TMEFF2: variants seen among roughly 807,000 people sequenced by gnomAD.
The protein encoded by TMEFF2 is transmembrane protein with EGF like and two follistatin like domains 2, also known as tomoregulin-2.
TMEFF2 carries 28 observed loss-of-function variants against 53.8 expected under a neutral mutation model. The observed-to-expected ratio is 0.52, with a 90% CI of 0.39 to 0.71. The LOEUF is 0.71. Ranked by LOEUF, TMEFF2 falls within the 30% of genes least tolerant of loss-of-function variation. The probability of loss-of-function intolerance (pLI) is 0.00; values close to 1 mark genes in which losing one functional copy is unlikely to be tolerated. For synonymous variants in TMEFF2, 162 were observed against 166.3 expected, an observed-to-expected ratio of 0.97 and a Z score of 0.20; for missense variants, 353 against 455.2, an observed-to-expected ratio of 0.78 and a Z score of 2.04.
At chr2:192,183,085 C>G (rs759543537) in intron 3 of TMEFF2, among the ~76,000 whole-genome samples, 1 of 151,972 alleles carries the variant, frequency 6.6e-6, no homozygotes, top group Non-Finnish European at 1.5e-5. Context: ...ACCAGCCCAG[C>G]TTGCCTCCTG....
intron 4 of TMEFF2, among the ~76,000 whole-genome samples, chr2:192,059,818 G>T (rs748767056): frequency 5.9e-5 from 9 of 152,142 alleles, no homozygotes; most frequent in Non-Finnish European, 1.3e-4. Context: ...AAAAGAAGCA[G>T]TAGGAATACC....
At chr2:192,163,599 G>A (rs1192768870) in intron 4 of TMEFF2, among the ~76,000 whole-genome samples, 1 of 152,056 alleles carries the variant, frequency 6.6e-6, no homozygotes, top group African/African-American at 2.4e-5. Context: ...AATATACTCA[G>A]GCTTTATTGA....
At chr2:191,978,957 C>T (rs1318217383) in intron 7 of TMEFF2, among the ~76,000 whole-genome samples, 1 of 152,142 alleles carries the variant, frequency 6.6e-6, no homozygotes, top group African/African-American at 2.4e-5. Flanking sequence ...CAATTAACTC[C>T]TCCAGGAGCT....
At position 192,006,257 on chromosome 2, in the gene TMEFF2, T is replaced by C. The variant is rs145146411; in HGVS notation, c.537-7049A>G. Among the ~76,000 whole-genome samples the C allele has an allele frequency of 3.2e-3, 493 of 152,184 alleles. 8 individuals are homozygous for C. The highest frequency in any genetic ancestry group is 0.025 in the South Asian group (123 of 4,824). On this transcript the variant is annotated intron_variant, in intron 5 of 9. Transcript: ENST00000272771. ...TTTATAAGGATGCAAAACATAGAAG[T>C]TGGCCCATTACATGGGGAAGGTCTT... is the stretch of plus-strand genomic sequence containing the variant.
chr2:192,065,566 G>C (rs1029533560), intron 4 of TMEFF2, among the ~76,000 whole-genome samples: 1 of 151,622 alleles, frequency 6.6e-6, no homozygotes, highest in Non-Finnish European at 1.5e-5. Context: ...GCACATTTCT[G>C]CTATTTTAGT....
intron 6 of TMEFF2, 71 bp downstream of exon 6, chr2:191,998,989 T>G (rs147802393): frequency 1.6e-4 from 235 of 1,486,300 alleles, no homozygotes; most frequent in Non-Finnish European, 1.9e-4. Flanking sequence ...TAATAAGGAG[T>G]TTTCTTCACT....
At chr2:192,163,977 T>G (rs1690693090) in intron 4 of TMEFF2, among the ~76,000 whole-genome samples, 1 of 152,162 alleles carries the variant, frequency 6.6e-6, no homozygotes, top group Admixed American at 6.5e-5. Flanking sequence ...CCACCTTTGT[T>G]GCCACCATAT....
At position 191,956,297 on chromosome 2, in the gene TMEFF2, C is replaced by T; in HGVS notation, c.827G>A (p.Gly276Glu). The change falls in exon 8 of 10, where the codon GGG (glycine) becomes GAG (glutamate). Residue 276 changes from glycine to glutamate, a missense_variant. Coordinates refer to ENST00000272771, the MANE Select transcript of TMEFF2 (RefSeq NM_016192.4). Reference protein sequence around the residue: ...PEHYNGFCMHGKCEHSINMQE... With the variant: ...PEHYNGFCMHEKCEHSINMQE... ...CATATTGATAGAATGCTCACACTTC[C>T]CATGCATGCAGAAGCCATTGTAATG... 6.2e-7 allele frequency: 1 copy of T among 1,613,866 alleles called. No individual in the cohort carries two copies. The highest frequency in any genetic ancestry group is 8.5e-7 in the Non-Finnish European group (1 of 1,179,904).
chr2:191,949,985 G>A lies in TMEFF2; in HGVS notation c.*326C>T, dbSNP rs1288872530. 2 of 1,103,704 alleles carry A rather than the reference G, an allele frequency of 1.8e-6. No homozygotes were observed. The highest frequency in any genetic ancestry group is 2.6e-5 in the South Asian group (1 of 38,554). 68.4% of individuals were successfully genotyped at this position (1,103,704 alleles called of 1,614,324 possible). A position where few individuals can be genotyped will look rare whatever the true frequency, so the allele number is the denominator to read the frequency against. ...TTGTACTAGTCTGATTATATTTACAGTTATGAGATACCGCAAATTTAAGAA... is the reference window on the plus strand; with the variant it reads ...TTGTACTAGTCTGATTATATTTACAATTATGAGATACCGCAAATTTAAGAA... On this transcript the variant is annotated 3_prime_UTR_variant, in exon 10 of 10. Transcript: ENST00000272771.
At chr2:191,984,617 A>C (rs529176288) in intron 7 of TMEFF2, among the ~76,000 whole-genome samples, 1 of 152,156 alleles carries the variant, frequency 6.6e-6, no homozygotes, top group Non-Finnish European at 1.5e-5. Context: ...TTTCTTTTCT[A>C]AGGCTAAATA....
intron 5 of TMEFF2, among the ~76,000 whole-genome samples, chr2:192,008,808 G>T (rs1686561764): frequency 6.6e-6 from 1 of 152,138 alleles, no homozygotes; most frequent in South Asian, 2.1e-4. Context: ...TAGTGATCGG[G>T]GTGGCTTCAT....
intron 5 of TMEFF2, among the ~76,000 whole-genome samples, chr2:192,050,644 T>C (rs1047632170): frequency 7.2e-5 from 11 of 152,142 alleles, no homozygotes; most frequent in African/African-American, 2.2e-4. Context: ...AGAGAGAAGT[T>C]TGGATTGCAA....
intron 4 of TMEFF2, among the ~76,000 whole-genome samples, chr2:192,065,699 G>A (rs1239358780): frequency 6.6e-6 from 1 of 151,332 alleles, no homozygotes; most frequent in Admixed American, 6.6e-5. Context: ...TAATATATCT[G>A]TTGTAGCTAA....
chr2:191,969,141 A>ATGTGTGTGTG (rs71405031), intron 7 of TMEFF2, among the ~76,000 whole-genome samples: 1 of 150,208 alleles, frequency 6.7e-6, no homozygotes, highest in African/African-American at 2.5e-5. Flanking sequence ...GTGTGTATCT[A>ATGTGTGTGTG]TGTGTGTGTG....
At chr2:192,162,111 C>A (rs931635917) in intron 4 of TMEFF2, among the ~76,000 whole-genome samples, 1 of 152,110 alleles carries the variant, frequency 6.6e-6, no homozygotes, top group Non-Finnish European at 1.5e-5. Context: ...TTTGGGACTA[C>A]ACTTGATGCC....
chr2:192,117,449 C>A (rs140452663), intron 4 of TMEFF2, among the ~76,000 whole-genome samples: 6 of 151,878 alleles, frequency 4.0e-5, no homozygotes, highest in Admixed American at 2.6e-4. Flanking sequence ...TTAATGGGAT[C>A]CAAATAGAAC....
chr2:192,193,760 ATAGAGAGAGAGAGAGAGAG>A (rs1559167165), intron 1 of TMEFF2, among the ~76,000 whole-genome samples: 2 of 13,394 alleles, frequency 1.5e-4, no homozygotes, highest in African/African-American at 4.6e-4. Flanking sequence ...AGATAGATAG[ATAGAGAGAGAGAGAGAGAG>A]AGAGAGAGAG....
chr2:192,168,778 G>A (rs778007724), intron 4 of TMEFF2, among the ~76,000 whole-genome samples: 12 of 151,994 alleles, frequency 7.9e-5, no homozygotes, highest in Admixed American at 1.3e-4. Flanking sequence ...GGCAGCATGC[G>A]AATGTGAGTG....
Position 192,061,633 on chromosome 2 carries a change from T to C in TMEFF2, c.440-3858A>G, listed in dbSNP as rs372197488. 3.0e-4 allele frequency among the ~76,000 whole-genome samples: 45 copies of C among 152,224 alleles called. 5 individuals carry two copies. Among genetic ancestry groups the C allele is most frequent in the Admixed American group, 2.0e-3 (30 of 15,278 alleles). On this transcript the variant is annotated intron_variant, in intron 4 of 9. Transcript: ENST00000272771. The stretch of plus-strand genomic sequence containing the variant: ...ATGCACAGATCTTAAGGGTACCTGA[T>C]ATGGTTTGGATGTTTGTCCTCTACG...
Sources: allele counts gnomAD v4.1 joint callset (sites outside exome capture counted in the v4.1 genomes callset), GRCh38; gene constraint gnomAD v4.1.1; transcripts MANE v1.5; gene names NCBI Gene and HGNC (gene_info 2026-07-23, HGNC 2026-07-21).